The following SDK1 variants were observed in gnomAD, a reference collection of about 807,000 sequenced individuals.
The protein encoded by SDK1 is protein sidekick-1.
Under a neutral mutation model 245.5 loss-of-function variants are expected in SDK1, and 157 were observed. The observed-to-expected ratio is 0.64, with a 90% confidence interval of 0.56 to 0.73. The LOEUF (loss-of-function observed/expected upper bound fraction) is 0.73, where lower values mean the gene tolerates loss of function less well. SDK1 is among the 30% of genes least tolerant of loss of function. SDK1 has a pLI of 0.00. For synonymous variants in SDK1, 1,647 were observed against 1,278.5 expected (o/e 1.29, Z -6.15); for missense variants, 3,583 against 3,002.3 (o/e 1.19, Z -4.52).
chr7:4,193,159 A>G (rs997810254), intron 35 of SDK1, among the ~76,000 whole-genome samples: 9 of 134,642 alleles, frequency 6.7e-5, no homozygotes, highest in Admixed American at 6.4e-4. Flanking sequence ...TATATAATAT[A>G]TATTAAAATA....
intron 17 of SDK1, among the ~76,000 whole-genome samples, chr7:4,018,093 A>C (rs1786564540): frequency 1.3e-5 from 2 of 152,206 alleles, no homozygotes; most frequent in Non-Finnish European, 2.9e-5. Flanking sequence ...CCCTCTCCCA[A>C]CACAGCCTCA....
chr7:3,982,579 G>A (rs1178236853), intron 13 of SDK1, among the ~76,000 whole-genome samples: 1 of 152,000 alleles, frequency 6.6e-6, no homozygotes, highest in Non-Finnish European at 1.5e-5. Context: ...GGTGGCTCAC[G>A]CCTGTAATCC....
chr7:4,237,729 G>A lies in SDK1; in HGVS notation c.6075G>A (p.Val2025=). 2 of 1,614,178 alleles carry A rather than the reference G, an allele frequency of 1.2e-6. No individual in the cohort carries two copies. The highest frequency in any genetic ancestry group is 1.7e-6 in the Non-Finnish European group (2 of 1,180,034). The change falls in exon 42 of 45, where the codon GTG becomes GTA. Residue 2025 remains valine, a synonymous_variant. Transcript: ENST00000404826. The stretch of plus-strand genomic sequence containing the variant: ...CCAGCCTGATCGTCATCCTGCTGGT[G>A]GTGTTCGCCCTCGTCCTGCACGGGC... ...ALSSLIVILL[V]VFALVLHGQN... is the part of the protein sequence containing the mutation.
chr7:3,603,734 T>C (rs557797856), intron 1 of SDK1, among the ~76,000 whole-genome samples: 1 of 152,330 alleles, frequency 6.6e-6, no homozygotes, highest in South Asian at 2.1e-4. Flanking sequence ...ATAGGAGTGC[T>C]GAGAGAGGGC....
rs371341028 is a variant in SDK1, at chr7:3,970,185, T to C, written c.1714+761T>C. On this transcript the variant is annotated intron_variant, in intron 11 of 44. Transcript: ENST00000404826. ...ATGCTCACTCAGATTTTTACAAATC[T>C]ATCTACATGAGGAGAGAAAGTTTTA... 3.2e-3 allele frequency among the ~76,000 whole-genome samples: 489 copies of C among 152,374 alleles called. 10 individuals carry two copies. The South Asian group carries it at 0.044, about 14-fold the overall frequency.
chr7:4,141,828 C>G (rs1280744802), intron 28 of SDK1, among the ~76,000 whole-genome samples: 6 of 152,188 alleles, frequency 3.9e-5, no homozygotes, highest in African/African-American at 1.4e-4. Context: ...GTGATCTTGG[C>G]TCACTGCAAC....
At chr7:4,209,886 A>G (rs1784424127) in intron 37 of SDK1, 139 bp from the exon 38 acceptor site, 2 of 810,556 alleles carry the variant, frequency 2.5e-6, no homozygotes. Flanking sequence ...AAATCTTTTC[A>G]TTTTATGACA....
At chr7:3,665,232 A>T (rs1332212629) in intron 4 of SDK1, among the ~76,000 whole-genome samples, 1 of 152,200 alleles carries the variant, frequency 6.6e-6, no homozygotes, top group Non-Finnish European at 1.5e-5. Context: ...CACGCAGAGC[A>T]GTCCACTATC....
intron 1 of SDK1, among the ~76,000 whole-genome samples, chr7:3,618,873 A>T (rs892455337): frequency 6.6e-6 from 1 of 152,226 alleles, no homozygotes; most frequent in African/African-American, 2.4e-5. Context: ...TGCGGGTATC[A>T]TTGAGCTTTC....
chr7:3,412,155 G>C (rs1335864015), intron 1 of SDK1, among the ~76,000 whole-genome samples: 1 of 152,168 alleles, frequency 6.6e-6, no homozygotes, highest in Non-Finnish European at 1.5e-5. Context: ...GGTGTAAGAT[G>C]TGGGCAATTA....
Position 3,419,688 on chromosome 7 carries a change from T to G in SDK1, c.298+117804T>G, listed in dbSNP as rs112547922. On this transcript the variant is annotated intron_variant, in intron 1 of 44. Transcript: ENST00000404826. Reference sequence around the variant, plus strand: ...ATGTTTCTAGTTCTGACAACTGAATTACATGTACACCTTTGGAACATAATC... The same window carrying G: ...ATGTTTCTAGTTCTGACAACTGAATGACATGTACACCTTTGGAACATAATC... 3.9e-5 allele frequency among the ~76,000 whole-genome samples: 6 copies of G among 152,326 alleles called. 2 individuals are homozygous for G. Among genetic ancestry groups the G allele is most frequent in the African/African-American group, 1.4e-4 (6 of 41,586 alleles).
chr7:3,341,788 C>T (rs990598258), intron 1 of SDK1, among the ~76,000 whole-genome samples: 7 of 152,156 alleles, frequency 4.6e-5, no homozygotes, highest in African/African-American at 1.4e-4. Flanking sequence ...TCAGAGGACC[C>T]AAATGTTGCC....
intron 17 of SDK1, among the ~76,000 whole-genome samples, chr7:4,022,806 C>T (rs183322023): frequency 9.0e-5 from 13 of 144,510 alleles, no homozygotes; most frequent in Admixed American, 2.1e-4. Context: ...CAGAGTCTTG[C>T]TCTGTCTCCC....
chr7:3,354,592 G>T (rs1015123702), intron 1 of SDK1, among the ~76,000 whole-genome samples: 1 of 152,192 alleles, frequency 6.6e-6, no homozygotes, highest in Non-Finnish European at 1.5e-5. Flanking sequence ...ATTGTCAAAT[G>T]TAATCAGTCT....
intron 1 of SDK1, among the ~76,000 whole-genome samples, chr7:3,590,032 A>G (rs576716991): frequency 1.3e-5 from 2 of 152,328 alleles, no homozygotes; most frequent in South Asian, 4.1e-4. Flanking sequence ...TGAGAGTTAC[A>G]GTGATTGGAA....
intron 1 of SDK1, among the ~76,000 whole-genome samples, chr7:3,539,455 C>G (rs1404167838): frequency 1.3e-5 from 2 of 152,098 alleles, no homozygotes; most frequent in African/African-American, 4.8e-5. Context: ...CTGGAGTACG[C>G]AGAAGAGGGT....
chr7:3,947,460 AT>A (rs1583606360), intron 5 of SDK1, among the ~76,000 whole-genome samples: 1 of 151,646 alleles, frequency 6.6e-6, no homozygotes, highest in East Asian at 1.9e-4. Context: ...GAGAGATTAT[AT>A]TTCTTTCTTC....
At chr7:4,105,649 T>C (rs1188939365) in intron 22 of SDK1, among the ~76,000 whole-genome samples, 2 of 152,200 alleles carry the variant, frequency 1.3e-5, no homozygotes, top group East Asian at 3.9e-4. Context: ...TGATCTGCAC[T>C]GTGCTGGGGG....
chr7:3,598,933 T>A (rs906782238), intron 1 of SDK1, among the ~76,000 whole-genome samples: 3 of 152,178 alleles, frequency 2.0e-5, no homozygotes, highest in Non-Finnish European at 4.4e-5. Context: ...GGTTTCTGTG[T>A]GAACATATGT....
Sources: allele counts gnomAD v4.1 joint callset (sites outside exome capture counted in the v4.1 genomes callset), GRCh38; gene constraint gnomAD v4.1.1; transcripts MANE v1.5; gene names NCBI Gene and HGNC (gene_info 2026-07-23, HGNC 2026-07-21).